Variants in XRN1 observed in about 807,000 individuals in gnomAD.
The protein encoded by XRN1 is 5'-3' exoribonuclease 1.
In XRN1, 67 loss-of-function variants were observed where a neutral mutation model predicts 222.3. That is an observed-to-expected ratio of 0.30 (90% CI 0.25 to 0.37). The LOEUF (loss-of-function observed/expected upper bound fraction) is 0.37, where lower values mean the gene tolerates loss of function less well. Ranked by LOEUF, XRN1 falls within the 10% of genes least tolerant of loss-of-function variation. The probability of loss-of-function intolerance (pLI) is 1.00; values close to 1 mark genes in which losing one functional copy is unlikely to be tolerated. For missense variants in XRN1, 1,707 were observed against 2,000.2 expected, an observed-to-expected ratio of 0.85 and a Z score of 2.80; for synonymous variants, 643 against 652.4, an observed-to-expected ratio of 0.99 and a Z score of 0.22.
chr3:142,411,781 G>C (rs1313706785), intron 15 of XRN1, among the ~76,000 whole-genome samples: 1 of 151,344 alleles, frequency 6.6e-6, no homozygotes, highest in Non-Finnish European at 1.5e-5. Flanking sequence ...TCTATGAGTA[G>C]GTTTATAGCA....
In XRN1 at chr3:142,380,115, T is replaced by A; in HGVS notation, c.2682A>T (p.Glu894Asp). ...RIRVIFSIPC[E>D]PNLDALIQNQ... is the part of the protein sequence containing the mutation. ...TCTGTATTAAAGCATCAAGATTGGG[T>A]TCACATGGAATGCTGAAAATCACAC... is the stretch of plus-strand genomic sequence containing the variant. The change falls in exon 23 of 41, where the codon GAA becomes GAT. Residue 894 changes from glutamate (E) to aspartate (D), a missense_variant. Physicochemically the swap from Glu to Asp is conservative, Grantham distance 45. Transcript: ENST00000392981. The A allele has an allele frequency of 6.2e-7, 1 of 1,613,948 alleles. No homozygotes were observed. Among genetic ancestry groups the A allele is most frequent in the Non-Finnish European group, 8.5e-7 (1 of 1,179,922 alleles).
intron 1 of XRN1, among the ~76,000 whole-genome samples, chr3:142,444,215 C>T (rs1054191306): frequency 2.6e-5 from 4 of 152,066 alleles, no homozygotes; most frequent in Non-Finnish European, 4.4e-5. Flanking sequence ...GAGGCCGAGG[C>T]GGGCAGATCA....
At chr3:142,389,082 C>T (rs1324350601) in intron 20 of XRN1, among the ~76,000 whole-genome samples, 1 of 152,154 alleles carries the variant, frequency 6.6e-6, no homozygotes, top group Admixed American at 6.5e-5. Context: ...CGTATGGTGG[C>T]GCTTGCCTGA....
Position 142,308,812 on chromosome 3 carries a change from A to C in XRN1, c.*2699T>G, listed in dbSNP as rs1008651940. 1.3e-5 allele frequency: 2 copies of C among 152,200 alleles called. No homozygotes were observed. Among genetic ancestry groups the C allele is most frequent in the Non-Finnish European group, 2.9e-5 (2 of 68,014 alleles). 9.4% of individuals were successfully genotyped at this position (152,200 alleles called of 1,614,324 possible). A position where few individuals can be genotyped will look rare whatever the true frequency, so the allele number is the denominator to read the frequency against. ...TGTGGAAGCATAAAGCAATTTGGGGAATCTGTCCTATGCCCTAAACAGTCC... is the reference window on the plus strand; with the variant it reads ...TGTGGAAGCATAAAGCAATTTGGGGCATCTGTCCTATGCCCTAAACAGTCC... On this transcript the variant is annotated 3_prime_UTR_variant, in exon 41 of 41. Transcript: ENST00000392981.
intron 20 of XRN1, among the ~76,000 whole-genome samples, chr3:142,392,698 C>T (rs1041581594): frequency 2.0e-5 from 3 of 151,424 alleles, no homozygotes; most frequent in Non-Finnish European, 2.9e-5. Flanking sequence ...TGTATATGTG[C>T]CACATTTTCT....
At chr3:142,382,420 T>C (rs1440059966) in intron 22 of XRN1, among the ~76,000 whole-genome samples, 1 of 152,214 alleles carries the variant, frequency 6.6e-6, no homozygotes, top group East Asian at 1.9e-4. Context: ...GAATTCCTGT[T>C]TTCCCCCCAG....
At position 142,447,808 on chromosome 3, in the gene XRN1, T is replaced by A; in HGVS notation, c.75+62A>T. On this transcript the variant is annotated intron_variant, in intron 1 of 40. Coordinates refer to ENST00000392981, the MANE Select transcript of XRN1 (RefSeq NM_001282857.2). The surrounding 1 kb of genome is among the most constrained non-coding windows in gnomAD (Gnocchi z 4.2). ...TGGCTCGAAAGCCCCAGCTCTAAGGTGGAGAGGGCCGCGGAGCCCCGGGTC... is the reference window on the plus strand; with the variant it reads ...TGGCTCGAAAGCCCCAGCTCTAAGGAGGAGAGGGCCGCGGAGCCCCGGGTC... The A allele has an allele frequency of 1.3e-6, 2 of 1,583,930 alleles. No homozygotes were observed. The highest frequency in any genetic ancestry group is 1.1e-5 in the South Asian group (1 of 90,166).
At chr3:142,329,657 A>G in intron 36 of XRN1, 42 bp from the exon 37 acceptor site, 1 of 1,504,216 alleles carries the variant, frequency 6.6e-7, no homozygotes, top group Non-Finnish European at 8.8e-7. Flanking sequence ...TTAATAAAAT[A>G]CTATCTCAAA....
intron 36 of XRN1, 27 bp from the exon 37 acceptor site, chr3:142,329,642 C>A: frequency 1.3e-6 from 2 of 1,518,700 alleles, no homozygotes; most frequent in Admixed American, 2.6e-5. Flanking sequence ...AAGAGTCTAT[C>A]TTTATTAATA....
Position 142,332,960 on chromosome 3 carries a change from T to C in XRN1, c.4062+7A>G, listed in dbSNP as rs1174687127. 1.9e-6 allele frequency: 3 copies of C among 1,612,740 alleles called. No individual in the cohort carries two copies. Among genetic ancestry groups the C allele is most frequent in the Non-Finnish European group, 1.7e-6 (2 of 1,179,386 alleles). ...CCACAGTAAGAAAGTTCCTACAAAA[T>C]ACGAACCATGGCAAATGACTGTGGT... is the stretch of plus-strand genomic sequence containing the variant. On this transcript the variant is annotated splice_region_variant and intron_variant, in intron 35 of 40. Coordinates refer to ENST00000392981, the MANE Select transcript of XRN1 (RefSeq NM_001282857.2).
chr3:142,417,199 A>G lies in XRN1; in HGVS notation c.1377T>C (p.Tyr459=), dbSNP rs576478674. The part of the protein sequence containing the change: ...DDFLADQAAC[Y]VQAIQWILHY... ...GCAAAATCCACTGTATTGCCTGAAC[A>G]TAACATGCAGCTTGATCAGCCAGAA... Residue 459 remains tyrosine (Y), a synonymous_variant, in exon 13 of 41, where the codon TAT becomes TAC. Coordinates refer to ENST00000392981, the MANE Select transcript of XRN1 (RefSeq NM_001282857.2). 1 of 1,613,842 alleles carries G rather than the reference A, an allele frequency of 6.2e-7. No homozygotes were observed. Among genetic ancestry groups the G allele is most frequent in the East Asian group, 2.2e-5 (1 of 44,858 alleles).
chr3:142,334,540 G>T (rs1435308288), intron 34 of XRN1, among the ~76,000 whole-genome samples: 1 of 151,744 alleles, frequency 6.6e-6, no homozygotes, highest in East Asian at 1.9e-4. Flanking sequence ...AAACATAAAT[G>T]ATCTTGGCTT....
chr3:142,394,381 T>G (rs1394017648), intron 20 of XRN1, among the ~76,000 whole-genome samples: 1 of 152,158 alleles, frequency 6.6e-6, no homozygotes, highest in Non-Finnish European at 1.5e-5. Flanking sequence ...AAATTATGAC[T>G]CCAACTTCAA....
At chr3:142,403,388 T>C (rs1486771508) in intron 18 of XRN1, among the ~76,000 whole-genome samples, 3 of 152,164 alleles carry the variant, frequency 2.0e-5, no homozygotes, top group Non-Finnish European at 4.4e-5. Context: ...TGTTTTTCAG[T>C]CCTCAGCTCA....
chr3:142,442,057 T>G (rs547199475), intron 1 of XRN1, among the ~76,000 whole-genome samples: 1 of 152,218 alleles, frequency 6.6e-6, no homozygotes, highest in African/African-American at 2.4e-5. Flanking sequence ...CAGGAACTAG[T>G]GCTCAGCTGG....
At chr3:142,339,422 A>T (rs1266127892) in intron 33 of XRN1, among the ~76,000 whole-genome samples, 1 of 152,180 alleles carries the variant, frequency 6.6e-6, no homozygotes, top group Non-Finnish European at 1.5e-5. Flanking sequence ...AATCCAAGTC[A>T]TTTCAAATAC....
Position 142,349,646 on chromosome 3 carries a change from A to C in XRN1, c.3769-2304T>G, listed in dbSNP as rs549781073. Among the ~76,000 whole-genome samples, 14 of 152,192 alleles carry C rather than the reference A, an allele frequency of 9.2e-5. No homozygotes were observed. In the South Asian group the frequency reaches 2.9e-3, roughly 32 times the overall value. On this transcript the variant is annotated intron_variant, in intron 32 of 40. Transcript: ENST00000392981. Reference sequence around the variant, plus strand: ...ATAGTTCTTTAGGGTGTTCTGTTTGATATCTATATAAAGGTATTTGTACAC... The same window carrying C: ...ATAGTTCTTTAGGGTGTTCTGTTTGCTATCTATATAAAGGTATTTGTACAC...
intron 29 of XRN1, among the ~76,000 whole-genome samples, chr3:142,361,687 C>T (rs765555111): frequency 2.6e-5 from 4 of 152,074 alleles, no homozygotes; most frequent in Non-Finnish European, 4.4e-5. Context: ...TCCCTAACAA[C>T]GAATGATGTT....
At chr3:142,374,765 T>A (rs181495396) in intron 25 of XRN1, among the ~76,000 whole-genome samples, 2 of 152,278 alleles carry the variant, frequency 1.3e-5, no homozygotes, top group East Asian at 3.9e-4. Context: ...CAATCTAAAT[T>A]TCCAGATGGT....
Sources: allele counts gnomAD v4.1 joint callset (sites outside exome capture counted in the v4.1 genomes callset), GRCh38; gene constraint gnomAD v4.1.1; non-coding constraint Gnocchi (gnomAD v3.1); transcripts MANE v1.5; gene names NCBI Gene and HGNC (gene_info 2026-07-23, HGNC 2026-07-21).